Variants in NBAS observed in about 807,000 individuals in gnomAD.
NBAS encodes the protein NAG/BC035112 fusion.
Under a neutral mutation model 302.5 loss-of-function variants are expected in NBAS, and 219 were observed. That is an observed-to-expected ratio of 0.72 (90% CI 0.65 to 0.81). The LOEUF is 0.81. NBAS is among the 30% of genes least tolerant of loss of function. The pLI, the probability that NBAS is intolerant of heterozygous loss-of-function variation, is 0.00. For missense variants in NBAS, 2,932 were observed against 2,841.6 expected (o/e 1.03, Z -0.72); for synonymous variants, 1,118 against 1,021.6 (o/e 1.09, Z -1.80).
At chr2:14,806,606 C>A in the NBAS span, among the ~76,000 whole-genome samples, 2 of 152,188 alleles carry the variant, frequency 1.3e-5, no homozygotes, top group African/African-American at 4.8e-5. Context: ...AAACAGAATT[C>A]TCTATTTTCT....
At chr2:15,336,092 C>CA (rs112260741) in intron 35 of NBAS, among the ~76,000 whole-genome samples, 1,807 of 105,576 alleles carry the variant, frequency 0.017, 21 homozygotes, top group African/African-American at 0.047. Context: ...ATCCTCATTT[C>CA]AAAAAAAAAA....
rs766442280 is a variant in NBAS, at chr2:15,511,209, T to C, written c.885+3A>G. On this transcript the variant is annotated splice_donor_region_variant and intron_variant, in intron 10 of 51. Coordinates refer to ENST00000281513, the MANE Select transcript of NBAS (RefSeq NM_015909.4). ...AAAGTGAAGTGCCATAACTCATACT[T>C]ACTGCAGTAACCCCGTCTCCACCAT... 6.2e-7 allele frequency: 1 copy of C among 1,614,058 alleles called. No homozygotes were observed. Among genetic ancestry groups the C allele is most frequent in the Non-Finnish European group, 8.5e-7 (1 of 1,179,960 alleles).
intron 40 of NBAS, among the ~76,000 whole-genome samples, chr2:15,305,449 GTTTTTTTTTTT>G (rs35136896): frequency 1.7e-4 from 21 of 123,776 alleles, no homozygotes; most frequent in African/African-American, 6.1e-4. Context: ...GTCTCGAGCA[GTTTTTTTTTTT>G]TTTTTTTTTT....
chr2:14,969,608 C>T, the NBAS span, among the ~76,000 whole-genome samples: 2 of 152,096 alleles, frequency 1.3e-5, no homozygotes, highest in Non-Finnish European at 2.9e-5. Flanking sequence ...AACTCCTGAC[C>T]GCAGGTGATC....
At chr2:14,798,746 T>TA in the NBAS span, among the ~76,000 whole-genome samples, 3 of 152,024 alleles carry the variant, frequency 2.0e-5, no homozygotes, top group Non-Finnish European at 4.4e-5. Context: ...AAGTGTATCT[T>TA]AAAAAAATAT....
intron 16 of NBAS, among the ~76,000 whole-genome samples, chr2:15,469,405 T>C (rs1368887103): frequency 6.6e-6 from 1 of 152,148 alleles, no homozygotes; most frequent in African/African-American, 2.4e-5. Flanking sequence ...TGTTGTGTCT[T>C]TGTTATTGTG....
At chr2:14,910,932 G>C in the NBAS span, among the ~76,000 whole-genome samples, 709 of 152,278 alleles carry the variant, frequency 4.7e-3, 7 homozygotes, top group African/African-American at 0.016. Flanking sequence ...TAATTTACCC[G>C]CACAGCAGGA....
chr2:15,297,700 G>C (rs994470094), intron 40 of NBAS, among the ~76,000 whole-genome samples: 1 of 152,140 alleles, frequency 6.6e-6, no homozygotes, highest in African/African-American at 2.4e-5. Context: ...GTCTCAGTTA[G>C]TTCTTTATAG....
At chr2:15,442,672 TAG>T in intron 21 of NBAS, among the ~76,000 whole-genome samples, 1 of 151,266 alleles carries the variant, frequency 6.6e-6, no homozygotes, top group Non-Finnish European at 1.5e-5. Flanking sequence ...CTGAAGGAAA[TAG>T]AGACACAAAA....
In NBAS at chr2:15,536,414, T is replaced by C. The variant is rs773254128; in HGVS notation, c.647+4A>G. 3.7e-6 allele frequency: 6 copies of C among 1,613,202 alleles called. No homozygotes were observed. The Admixed American group carries it at 1.0e-4, about 27-fold the overall frequency. ...CAAATATGGCTTCCAAAGCACATTT[T>C]TACCTTACAAGGTAACTTCTAAGTT... On this transcript the variant is annotated splice_donor_region_variant and intron_variant, in intron 8 of 51. Transcript: ENST00000281513.
At chr2:14,939,673 A>T in the NBAS span, among the ~76,000 whole-genome samples, 2 of 152,226 alleles carry the variant, frequency 1.3e-5, no homozygotes, top group African/African-American at 4.8e-5. Flanking sequence ...TAAACTAAGT[A>T]ATCTGAACCC....
intron 35 of NBAS, among the ~76,000 whole-genome samples, chr2:15,340,328 A>AGAG (rs1042340279): frequency 1.3e-5 from 2 of 152,178 alleles, no homozygotes; most frequent in Non-Finnish European, 2.9e-5. Flanking sequence ...GATGTCCCAA[A>AGAG]GAGGAGGAGA....
the NBAS span, among the ~76,000 whole-genome samples, chr2:14,944,850 G>A: frequency 6.6e-6 from 1 of 152,038 alleles, no homozygotes; most frequent in East Asian, 1.9e-4. Context: ...CCAATTCACA[G>A]TTTCTATACC....
chr2:15,260,532 T>C (rs762748822), intron 44 of NBAS, among the ~76,000 whole-genome samples: 1 of 152,086 alleles, frequency 6.6e-6, no homozygotes, highest in Non-Finnish European at 1.5e-5. Flanking sequence ...AGGAGGTGAA[T>C]GGAGGTGGGT....
chr2:15,473,130 A>G, intron 16 of NBAS, 92 bp downstream of exon 16: 1 of 1,402,228 alleles, frequency 7.1e-7, no homozygotes, highest in Non-Finnish European at 9.9e-7. Flanking sequence ...TAGAAAAGTC[A>G]GCAATGTAAA....
At chr2:15,240,231 C>G (rs1667798820) in intron 44 of NBAS, among the ~76,000 whole-genome samples, 2 of 152,000 alleles carry the variant, frequency 1.3e-5, no homozygotes, top group African/African-American at 2.4e-5. Flanking sequence ...GGCTGAAATA[C>G]ATGGCATGAG....
chr2:14,787,031 G>T, the NBAS span, among the ~76,000 whole-genome samples: 1 of 152,160 alleles, frequency 6.6e-6, no homozygotes, highest in East Asian at 1.9e-4. Context: ...ATATATTTAG[G>T]ATAGTTAGCT....
chr2:14,793,733 CAAAAT>C, the NBAS span, among the ~76,000 whole-genome samples: 1 of 151,984 alleles, frequency 6.6e-6, no homozygotes, highest in African/African-American at 2.4e-5. Flanking sequence ...ACACCAAACT[CAAAAT>C]AAACTCAAAG....
chr2:14,840,161 T>C, the NBAS span, among the ~76,000 whole-genome samples: 1 of 151,562 alleles, frequency 6.6e-6, no homozygotes, highest in Non-Finnish European at 1.5e-5. Flanking sequence ...AATTAGAGGC[T>C]CTCAGAAGCA....
Sources: allele counts gnomAD v4.1 joint callset (sites outside exome capture counted in the v4.1 genomes callset), GRCh38; gene constraint gnomAD v4.1.1; transcripts MANE v1.5; gene names NCBI Gene and HGNC (gene_info 2026-07-23, HGNC 2026-07-21).